Variants in MLLT10 observed in about 807,000 individuals in gnomAD.
MLLT10 encodes protein AF-10.
MLLT10 carries 30 observed loss-of-function variants against 129.1 expected under a neutral mutation model. The observed-to-expected ratio is 0.23, with a 90% CI of 0.17 to 0.32. The LOEUF is 0.32. MLLT10 is among the 10% of genes least tolerant of loss of function. MLLT10 has a pLI of 1.00. For synonymous variants in MLLT10, 490 were observed against 446.4 expected (o/e 1.10, Z -1.23); for missense variants, 1,119 against 1,268.3 (o/e 0.88, Z 1.79).
At chr10:21,598,406 C>T (rs997109207) in intron 5 of MLLT10, among the ~76,000 whole-genome samples, 1 of 152,162 alleles carries the variant, frequency 6.6e-6, no homozygotes, top group African/African-American at 2.4e-5. Context: ...CTGAAATCAC[C>T]ATTTCTCTGA....
At chr10:21,668,949 G>C (rs766277780) in intron 9 of MLLT10, 1 of 1,321,006 alleles carries the variant, frequency 7.6e-7, no homozygotes, top group Non-Finnish European at 9.9e-7. Flanking sequence ...GAGGAATGGA[G>C]AACCTCAGGA....
intron 3 of MLLT10, among the ~76,000 whole-genome samples, chr10:21,570,965 C>G (rs1413497262): frequency 1.3e-5 from 2 of 151,964 alleles, no homozygotes; most frequent in Non-Finnish European, 2.9e-5. Context: ...TATTTGTGGA[C>G]TTTGTTCTGT....
intron 3 of MLLT10, among the ~76,000 whole-genome samples, chr10:21,568,373 C>A (rs1370872556): frequency 6.6e-6 from 1 of 152,106 alleles, no homozygotes; most frequent in African/African-American, 2.4e-5. Flanking sequence ...ATGTCCATTC[C>A]ATCCTCCTAG....
chr10:21,675,117 G>C (rs1254811312), intron 11 of MLLT10, among the ~76,000 whole-genome samples: 1 of 152,178 alleles, frequency 6.6e-6, no homozygotes, highest in Admixed American at 6.5e-5. Context: ...CAACAGTTAT[G>C]AGATGTCCTC....
intron 9 of MLLT10, among the ~76,000 whole-genome samples, chr10:21,670,134 C>T (rs2051239813): frequency 6.6e-6 from 1 of 152,094 alleles, no homozygotes; most frequent in African/African-American, 2.4e-5. Flanking sequence ...TGTTGCTTGA[C>T]AAATGAGTAT....
intron 3 of MLLT10, among the ~76,000 whole-genome samples, chr10:21,551,422 G>A (rs752815228): frequency 7.0e-6 from 1 of 142,676 alleles, no homozygotes. Context: ...TTTTGTTACT[G>A]CTGACTCATA....
chr10:21,558,991 T>A (rs1306284696), intron 3 of MLLT10, among the ~76,000 whole-genome samples: 1 of 152,222 alleles, frequency 6.6e-6, no homozygotes. Context: ...TCTTTGCATT[T>A]GATAAATATT....
At chr10:21,534,582 G>GT (rs2033460572) in intron 1 of MLLT10, 62 bp downstream of exon 1, 1 of 1,534,812 alleles carries the variant, frequency 6.5e-7, no homozygotes, top group Admixed American at 1.8e-5. Context: ...GGGGGGCTGT[G>GT]TGGGGGGGAA....
At chr10:21,703,129 T>G (rs1226935606) in intron 13 of MLLT10, among the ~76,000 whole-genome samples, 2 of 152,210 alleles carry the variant, frequency 1.3e-5, no homozygotes, top group South Asian at 4.1e-4. Flanking sequence ...GTGGCAAATG[T>G]CATCCTTTTG....
chr10:21,556,796 C>A (rs757332414), intron 3 of MLLT10: 19 of 1,582,996 alleles, frequency 1.2e-5, no homozygotes, highest in Non-Finnish European at 3.4e-6. Flanking sequence ...TTGGGCTTGT[C>A]TTACTACAGC....
intron 15 of MLLT10, 97 bp downstream of exon 15, chr10:21,726,452 G>A (rs1589843265): frequency 5.2e-6 from 4 of 763,630 alleles, no homozygotes; most frequent in South Asian, 2.0e-5. Flanking sequence ...ATGCAGGGAT[G>A]TGGTTAGTAG....
At chr10:21,726,105 G>A (rs933714561) in intron 14 of MLLT10, 139 bp from the exon 15 acceptor site, 23 of 597,120 alleles carry the variant, frequency 3.9e-5, no homozygotes, top group African/African-American at 5.7e-5. Flanking sequence ...AAGTAAGAAC[G>A]AAATTTGCTT....
At chr10:21,732,191 C>G (rs147133315) in intron 17 of MLLT10, among the ~76,000 whole-genome samples, 1 of 152,144 alleles carries the variant, frequency 6.6e-6, no homozygotes, top group Non-Finnish European at 1.5e-5. Context: ...TAGTATGTGA[C>G]GGACACTTCA....
At chr10:21,583,958 C>T (rs1564454579) in intron 3 of MLLT10, among the ~76,000 whole-genome samples, 3 of 152,084 alleles carry the variant, frequency 2.0e-5, no homozygotes, top group Non-Finnish European at 4.4e-5. Context: ...CAAGCTCCGC[C>T]TCCTGGGTTC....
intron 5 of MLLT10, among the ~76,000 whole-genome samples, chr10:21,598,861 A>T (rs770820134): frequency 9.3e-5 from 14 of 151,296 alleles, no homozygotes; most frequent in African/African-American, 3.4e-4. Flanking sequence ...CTCCAGCCTG[A>T]ATAACGGAGT....
chr10:21,543,104 AC>A (rs2035473572), intron 3 of MLLT10, among the ~76,000 whole-genome samples: 1 of 150,798 alleles, frequency 6.6e-6, no homozygotes, highest in African/African-American at 2.4e-5. Context: ...GATTACAGAC[AC>A]CATGCCCGGC....
intron 13 of MLLT10, among the ~76,000 whole-genome samples, chr10:21,707,679 T>C (rs1457172606): frequency 2.0e-5 from 3 of 152,228 alleles, no homozygotes; most frequent in African/African-American, 7.2e-5. Context: ...ATGATCTTTT[T>C]AAAAAGTGAG....
chr10:21,682,145 A>C, intron 12 of MLLT10, 80 bp from the exon 13 acceptor site: 1 of 1,133,320 alleles, frequency 8.8e-7, no homozygotes, highest in Non-Finnish European at 1.3e-6. Flanking sequence ...TTATTATACT[A>C]ATTCAGTGTA....
intron 7 of MLLT10, among the ~76,000 whole-genome samples, chr10:21,616,643 A>G (rs1248774384): frequency 6.6e-6 from 1 of 151,990 alleles, no homozygotes; most frequent in African/African-American, 2.4e-5. Context: ...TATTTATTGA[A>G]CTGCAGAGAT....
Sources: gnomAD v4.1 joint callset for allele counts (sites outside exome capture counted in the v4.1 genomes callset) on GRCh38, gnomAD v4.1.1 for gene constraint, MANE v1.5 for transcripts, NCBI Gene and HGNC (gene_info 2026-07-23, HGNC 2026-07-21) for gene names.